Variants in ZBBX observed in about 807,000 individuals in gnomAD.
ZBBX encodes the protein zinc finger B-box domain containing.
A neutral mutation model predicts 108.5 loss-of-function variants in ZBBX; 101 were observed. The ratio of observed to expected loss-of-function variants is 0.93; its 90% confidence interval spans 0.79 to 1.10. The LOEUF is 1.10. Among genes scored for constraint, ZBBX ranks in the 50% least tolerant of loss-of-function variants. The pLI is 0.00. For synonymous variants in ZBBX, 356 were observed against 323.4 expected (o/e 1.10, Z -1.08); for missense variants, 1,009 against 941.4 (o/e 1.07, Z -0.94).
At chr3:167,347,394 T>C (rs1577057514) in intron 9 of ZBBX, among the ~76,000 whole-genome samples, 1 of 152,088 alleles carries the variant, frequency 6.6e-6, no homozygotes, top group Non-Finnish European at 1.5e-5. Flanking sequence ...AATGGAATAT[T>C]ATTCAGCCTT....
chr3:167,341,021 A>G (rs1419873863), intron 9 of ZBBX, among the ~76,000 whole-genome samples: 1 of 151,996 alleles, frequency 6.6e-6, no homozygotes, highest in Non-Finnish European at 1.5e-5. Flanking sequence ...CAAGCTAGAT[A>G]GAAATCAAAT....
intron 20 of ZBBX, among the ~76,000 whole-genome samples, chr3:167,255,128 C>T (rs1457525197): frequency 3.3e-5 from 5 of 151,860 alleles, no homozygotes; most frequent in South Asian, 4.2e-4. Flanking sequence ...TAAATTCTAC[C>T]TGCAGGGAAA....
chr3:167,222,606 G>C, the ZBBX span, among the ~76,000 whole-genome samples: 1 of 151,960 alleles, frequency 6.6e-6, no homozygotes, highest in South Asian at 2.1e-4. Context: ...AAGAAGAAAT[G>C]ATTGAGGTGA....
chr3:167,191,550 TAA>T, the ZBBX span, among the ~76,000 whole-genome samples: 1 of 152,094 alleles, frequency 6.6e-6, no homozygotes, highest in Admixed American at 6.5e-5. Context: ...CTGATGGTTT[TAA>T]AAATGGGAGT....
rs1739110398 is a variant in ZBBX, at chr3:167,333,975, T to C, written c.539A>G (p.Gln180Arg). ...AACATCCAATACATTGAATAATATT[T>C]GAGATTTTGCCTATTAAAAAAGTAA... is the stretch of plus-strand genomic sequence containing the variant. ...HRTTLLQAKSQILFNVLDVAH... is the reference protein window; with the variant it reads ...HRTTLLQAKSRILFNVLDVAH... Residue 180 changes from glutamine (Q) to arginine (R), a missense_variant, in exon 10 of 22, where the codon CAA becomes CGA. Coordinates refer to ENST00000675490, the MANE Select transcript of ZBBX (RefSeq NM_001199201.2). 1 of 1,562,468 alleles carries C rather than the reference T, an allele frequency of 6.4e-7. No homozygotes were observed. The highest frequency in any genetic ancestry group is 1.4e-5 in the African/African-American group (1 of 72,740).
the ZBBX span, among the ~76,000 whole-genome samples, chr3:167,230,867 A>G: frequency 4.6e-5 from 7 of 151,880 alleles, no homozygotes; most frequent in South Asian, 6.2e-4. Flanking sequence ...CTGTTTTATG[A>G]AGTGGAGATT....
chr3:167,210,835 T>C, the ZBBX span, among the ~76,000 whole-genome samples: 1 of 152,022 alleles, frequency 6.6e-6, no homozygotes, highest in Non-Finnish European at 1.5e-5. Flanking sequence ...AACCTTCAAA[T>C]ATGAAGGAGA....
intron 20 of ZBBX, among the ~76,000 whole-genome samples, chr3:167,262,124 G>T (rs1173415026): frequency 6.6e-6 from 1 of 152,132 alleles, no homozygotes; most frequent in Non-Finnish European, 1.5e-5. Context: ...TCAGCTTTCA[G>T]CTTCTCCAGT....
At chr3:167,348,372 A>AG (rs1310321763) in intron 9 of ZBBX, among the ~76,000 whole-genome samples, 1 of 104,724 alleles carries the variant, frequency 9.5e-6, no homozygotes, top group South Asian at 3.3e-4. Flanking sequence ...AAGAAAGAAA[A>AG]AAAAGAAAAG....
At chr3:167,233,921 C>T in the ZBBX span, among the ~76,000 whole-genome samples, 2 of 151,686 alleles carry the variant, frequency 1.3e-5, no homozygotes, top group African/African-American at 4.8e-5. Context: ...CTTTAGGCCA[C>T]AGATCTCAAA....
the ZBBX span, among the ~76,000 whole-genome samples, chr3:167,191,324 T>C: frequency 1.3e-5 from 2 of 152,194 alleles, no homozygotes; most frequent in Admixed American, 6.5e-5. Context: ...TCTTTCTCCA[T>C]TGCCACATTT....
chr3:167,265,048 C>T lies in ZBBX; in HGVS notation c.2254+17190G>A, dbSNP rs563141892. On this transcript the variant is annotated intron_variant, in intron 20 of 21. Transcript: ENST00000675490. ...TCTAGGTCTGGACTTCAGGTCCCCA[C>T]GAACCTGCTTGTTGCTCTATTCCAC... Among the ~76,000 whole-genome samples, 99 of 152,366 alleles carry T rather than the reference C, an allele frequency of 6.5e-4. 1 individual carries two copies. The South Asian group carries it at 0.019, about 30-fold the overall frequency.
chr3:167,331,647 A>G (rs1485259975), intron 10 of ZBBX: 10 of 985,228 alleles, frequency 1.0e-5, no homozygotes, highest in Non-Finnish European at 1.2e-5. Context: ...CAAAACTGTC[A>G]TATATCACGT....
intron 20 of ZBBX, chr3:167,252,219 TAGC>T (rs781329397): frequency 9.9e-5 from 127 of 1,285,182 alleles, no homozygotes; most frequent in Non-Finnish European, 1.3e-4. Context: ...ATCCTAGAAA[TAGC>T]AGAAAACAAG....
At chr3:167,349,058 G>A (rs1742197297) in intron 9 of ZBBX, among the ~76,000 whole-genome samples, 1 of 152,004 alleles carries the variant, frequency 6.6e-6, no homozygotes. Flanking sequence ...GGGAGAGAGA[G>A]CAAGAAGAAG....
At chr3:167,210,692 C>T in the ZBBX span, among the ~76,000 whole-genome samples, 5 of 152,112 alleles carry the variant, frequency 3.3e-5, no homozygotes, top group African/African-American at 7.2e-5. Flanking sequence ...AGCTCCAATA[C>T]ATCTGGCAGA....
chr3:167,245,485 C>G (rs1721412741), intron 20 of ZBBX, among the ~76,000 whole-genome samples: 1 of 152,124 alleles, frequency 6.6e-6, no homozygotes, highest in East Asian at 1.9e-4. Flanking sequence ...TACCTTCACT[C>G]TGCCCACACC....
Position 167,315,845 on chromosome 3 carries a change from T to G in ZBBX, c.1195-16A>C. The G allele has an allele frequency of 6.8e-7, 1 of 1,472,562 alleles. No individual in the cohort carries two copies. Among genetic ancestry groups the G allele is most frequent in the Non-Finnish European group, 9.3e-7 (1 of 1,074,110 alleles). 91.2% of individuals were successfully genotyped at this position (1,472,562 alleles called of 1,614,324 possible). ...CTTCATAAGTCTTATTAAATTAATG[T>G]TATATAATATTAGTAAGTTCATAAA... On this transcript the variant is annotated splice_polypyrimidine_tract_variant and intron_variant, in intron 14 of 21. Transcript: ENST00000675490.
At chr3:167,206,266 A>T in the ZBBX span, among the ~76,000 whole-genome samples, 1 of 152,076 alleles carries the variant, frequency 6.6e-6, no homozygotes, top group Non-Finnish European at 1.5e-5. Flanking sequence ...TATATCAGTT[A>T]GCAAAATATC....
Sources: allele counts gnomAD v4.1 joint callset (sites outside exome capture counted in the v4.1 genomes callset), GRCh38; gene constraint gnomAD v4.1.1; transcripts MANE v1.5; gene names NCBI Gene and HGNC (gene_info 2026-07-23, HGNC 2026-07-21).